The following BRSK2 variants were observed in gnomAD, a reference collection of about 807,000 sequenced individuals.
BRSK2 encodes the protein BR serine/threonine kinase 2.
A neutral mutation model predicts 83.3 loss-of-function variants in BRSK2; 19 were observed. That is an observed-to-expected ratio of 0.23 (90% CI 0.16 to 0.33). The LOEUF (loss-of-function observed/expected upper bound fraction) is 0.33. BRSK2 is among the 10% of genes least tolerant of loss of function. The pLI, the probability that BRSK2 is intolerant of heterozygous loss-of-function variation, is 1.00. For missense variants in BRSK2, 798 were observed against 1,042.3 expected (o/e 0.77, Z 3.23); for synonymous variants, 519 against 435.4 (o/e 1.19, Z -2.39).
At chr11:1,402,670 A>G (rs1173612101) in intron 1 of BRSK2, among the ~76,000 whole-genome samples, 1 of 152,150 alleles carries the variant, frequency 6.6e-6, no homozygotes, top group African/African-American at 2.4e-5. Context: ...CTGCCTGGGC[A>G]CTGGCAGAGG....
At chr11:1,443,261 CCTCT>C in intron 6 of BRSK2, 70 bp from the exon 7 acceptor site, 1 of 1,532,778 alleles carries the variant, frequency 6.5e-7, no homozygotes, top group East Asian at 2.4e-5. Context: ...GGGCCGACTC[CCTCT>C]GAGCCCAGGC....
chr11:1,453,460 C>T (rs1780972481), intron 15 of BRSK2, among the ~76,000 whole-genome samples: 1 of 152,256 alleles, frequency 6.6e-6, no homozygotes, highest in Admixed American at 6.5e-5. Context: ...CACTTCCTGG[C>T]TCCAGGCCCT....
chr11:1,454,411 CCA>C lies in BRSK2; in HGVS notation c.1545-73_1545-72del. ...GATGGAAGATTCCGCCGTTCCAACC[CCA>C]GATTCGAGGGAGGCAGGGGTGTGGA... is the stretch of plus-strand genomic sequence containing the variant. On this transcript the variant is annotated intron_variant, in intron 15 of 19. Coordinates refer to ENST00000528841, the MANE Select transcript of BRSK2 (RefSeq NM_001256627.2). The surrounding 1 kb of genome is among the most constrained non-coding windows in gnomAD (Gnocchi z 5.2). 4.5e-6 allele frequency: 7 copies of C among 1,570,424 alleles called. No individual in the cohort carries two copies. Among genetic ancestry groups the C allele is most frequent in the Non-Finnish European group, 6.1e-6 (7 of 1,146,602 alleles).
intron 15 of BRSK2, among the ~76,000 whole-genome samples, chr11:1,452,555 G>T (rs925226867): frequency 2.6e-5 from 4 of 152,220 alleles, no homozygotes; most frequent in Admixed American, 2.6e-4. Context: ...ATCTTGAGAT[G>T]GCCTGGAGGC....
Position 1,461,162 on chromosome 11 carries a change from G to A in BRSK2, c.*439G>A, listed in dbSNP as rs1037861104. ...GGCCCGTGGGAGGAAGGCCAGGCTC[G>A]GGGGAGCCTCCTCCAGCCCGGCCGA... On this transcript the variant is annotated 3_prime_UTR_variant, in exon 20 of 20. Transcript: ENST00000528841. 2.2e-5 allele frequency: 22 copies of A among 1,006,026 alleles called. No homozygotes were observed. The highest frequency in any genetic ancestry group is 1.5e-4 in the Admixed American group (5 of 33,774). 62.3% of individuals were successfully genotyped at this position (1,006,026 alleles called of 1,614,324 possible).
chr11:1,440,119 G>C (rs1850998902), intron 3 of BRSK2, among the ~76,000 whole-genome samples: 1 of 152,180 alleles, frequency 6.6e-6, no homozygotes, highest in Non-Finnish European at 1.5e-5. Flanking sequence ...AGCTGGTTCA[G>C]CCTGGGTGGA....
chr11:1,408,132 T>C (rs576430908), intron 1 of BRSK2, among the ~76,000 whole-genome samples: 2 of 152,372 alleles, frequency 1.3e-5, no homozygotes, highest in Admixed American at 6.5e-5. Context: ...GTGAGGCTTA[T>C]GGCGTGGGGA....
chr11:1,461,225 G>T lies in BRSK2; in HGVS notation c.*502G>T. On this transcript the variant is annotated 3_prime_UTR_variant, in exon 20 of 20. Transcript: ENST00000528841. Reference sequence around the variant, plus strand: ...GTCACCTGACCCCTCAGCAAGAACAGCCTGCCTGGTGGCCTTCTGGGGCCA... The same window carrying T: ...GTCACCTGACCCCTCAGCAAGAACATCCTGCCTGGTGGCCTTCTGGGGCCA... 1 of 616,662 alleles carries T rather than the reference G, an allele frequency of 1.6e-6. No individual in the cohort carries two copies. The highest frequency in any genetic ancestry group is 3.1e-5 in the East Asian group (1 of 32,198). The allele number at this position is 616,662 out of a possible 1,614,324, so 38.2% of individuals were successfully genotyped here.
intron 1 of BRSK2, among the ~76,000 whole-genome samples, chr11:1,429,415 C>CT (rs77305429): frequency 1.3e-5 from 2 of 149,526 alleles, no homozygotes; most frequent in African/African-American, 2.5e-5. Flanking sequence ...GGGGTGTGCA[C>CT]GCATGGAGGT....
intron 1 of BRSK2, among the ~76,000 whole-genome samples, chr11:1,405,212 C>A (rs1846785429): frequency 6.6e-6 from 1 of 152,094 alleles, no homozygotes; most frequent in Non-Finnish European, 1.5e-5. Context: ...TGGACACTGC[C>A]CTCCTAGCCC....
intron 18 of BRSK2, 37 bp from the exon 19 acceptor site, chr11:1,459,155 C>T: frequency 6.2e-7 from 1 of 1,608,798 alleles, no homozygotes; most frequent in Non-Finnish European, 8.5e-7. Context: ...CAGCCTTTCA[C>T]TCACTCCCTC....
chr11:1,446,069 T>TGGGCTTAGC (rs1564858939), intron 12 of BRSK2, among the ~76,000 whole-genome samples, 162 bp downstream of exon 12: 2 of 141,420 alleles, frequency 1.4e-5, no homozygotes, highest in Non-Finnish European at 3.1e-5. Flanking sequence ...TGGGCTGGGC[T>TGGGCTTAGC]TGGCTGGGCT....
intron 1 of BRSK2, among the ~76,000 whole-genome samples, chr11:1,433,261 C>G (rs896023194): frequency 6.6e-5 from 10 of 152,248 alleles, no homozygotes; most frequent in Admixed American, 2.0e-4. Flanking sequence ...GCTTCGCCAC[C>G]TACCCTGGGA....
chr11:1,393,652 G>A (rs1381634444), intron 1 of BRSK2, among the ~76,000 whole-genome samples: 1 of 152,180 alleles, frequency 6.6e-6, no homozygotes, highest in Non-Finnish European at 1.5e-5. Context: ...TGGCTGCCAG[G>A]GTGGAGAGGG....
intron 1 of BRSK2, among the ~76,000 whole-genome samples, chr11:1,420,356 A>C (rs1054778281): frequency 1.3e-5 from 2 of 152,190 alleles, no homozygotes; most frequent in Non-Finnish European, 2.9e-5. Flanking sequence ...CAGATGCTCC[A>C]GGGTGTCTGC....
intron 1 of BRSK2, among the ~76,000 whole-genome samples, chr11:1,433,881 C>A (rs994911892): frequency 6.6e-6 from 1 of 152,208 alleles, no homozygotes; most frequent in Non-Finnish European, 1.5e-5. Context: ...GCCTGCAGCT[C>A]CCCCTGCCTC....
rs1207358238 is a variant in BRSK2 at position 1,456,663 on chromosome 11, C to T, written c.1915C>T (p.Pro639Ser). ...GGCCCAGCTGCTGAGCACACACGAC[C>T]CGCCTGCGGCCCAGCACTTGTCAGG... ...IQAQLLSTHD[P>S]PAAQHLSDTT... Residue 639 changes from proline to serine, a missense_variant, in exon 18 of 20, where the codon CCG becomes TCG. This residue lies in a region of BRSK2 where 455 missense variants were observed against 455.2 expected (regional missense o/e 1.00). Coordinates refer to ENST00000528841, the MANE Select transcript of BRSK2 (RefSeq NM_001256627.2). 1.9e-6 allele frequency: 3 copies of T among 1,608,138 alleles called. No homozygotes were observed. Among genetic ancestry groups the T allele is most frequent in the South Asian group, 2.2e-5 (2 of 90,056 alleles).
intron 1 of BRSK2, among the ~76,000 whole-genome samples, chr11:1,428,177 T>C (rs1849472982): frequency 6.6e-6 from 1 of 152,152 alleles, no homozygotes; most frequent in Admixed American, 6.5e-5. Flanking sequence ...TGCTGCGTCG[T>C]GGCTGCCTTT....
At chr11:1,439,887 G>T (rs1319516626) in intron 3 of BRSK2, among the ~76,000 whole-genome samples, 1 of 151,310 alleles carries the variant, frequency 6.6e-6, no homozygotes, top group African/African-American at 2.4e-5. Flanking sequence ...TGCCCTGGGG[G>T]CTTCACACCT....
Sources: gnomAD v4.1 joint callset for allele counts (sites outside exome capture counted in the v4.1 genomes callset) on GRCh38, gnomAD v4.1.1 for gene constraint, gnomAD v4.1.1 regional missense constraint, Gnocchi (gnomAD v3.1) non-coding constraint, MANE v1.5 for transcripts, NCBI Gene and HGNC (gene_info 2026-07-23, HGNC 2026-07-21) for gene names.